Variants in ERBB4 observed in about 807,000 individuals in gnomAD.
ERBB4 encodes the protein receptor tyrosine-protein kinase erbB-4.
Under a neutral mutation model 158.0 loss-of-function variants are expected in ERBB4, and 42 were observed. The observed-to-expected ratio is 0.27, with a 90% CI of 0.21 to 0.34. ERBB4 has a LOEUF of 0.34. Ranked by LOEUF, ERBB4 falls within the 10% of genes least tolerant of loss-of-function variation. The pLI is 1.00. For missense variants in ERBB4, 1,333 were observed against 1,624.1 expected (o/e 0.82, Z 3.08); for synonymous variants, 583 against 558.7 (o/e 1.04, Z -0.61).
intron 20 of ERBB4, among the ~76,000 whole-genome samples, chr2:211,490,473 G>C (rs545089294): frequency 2.6e-5 from 4 of 151,974 alleles, no homozygotes; most frequent in African/African-American, 9.6e-5. Flanking sequence ...GGTAATTCAA[G>C]GTATTTCACT....
intron 7 of ERBB4, among the ~76,000 whole-genome samples, chr2:211,714,167 G>C (rs1436516360): frequency 1.3e-5 from 2 of 152,136 alleles, no homozygotes; most frequent in African/African-American, 4.8e-5. Flanking sequence ...AATTGGAAAG[G>C]GTAGTACTTT....
At chr2:211,524,661 G>C (rs1371479209) in intron 20 of ERBB4, among the ~76,000 whole-genome samples, 1 of 148,114 alleles carries the variant, frequency 6.8e-6, no homozygotes, top group Non-Finnish European at 1.5e-5. Context: ...AGGGCCGCCG[G>C]CTGCTCCGAG....
chr2:211,551,055 A>G (rs2067082687), intron 20 of ERBB4, among the ~76,000 whole-genome samples: 2 of 152,056 alleles, frequency 1.3e-5, no homozygotes, highest in African/African-American at 4.8e-5. Flanking sequence ...TGATCCTCCC[A>G]CTTCAGGCTG....
At chr2:212,265,456 A>G (rs1334793928) in intron 1 of ERBB4, among the ~76,000 whole-genome samples, 1 of 152,088 alleles carries the variant, frequency 6.6e-6, no homozygotes, top group East Asian at 1.9e-4. Context: ...TTCCTAAGAA[A>G]CACATTTATA....
intron 2 of ERBB4, among the ~76,000 whole-genome samples, chr2:211,955,455 C>T (rs2081001755): frequency 6.6e-6 from 1 of 152,062 alleles, no homozygotes; most frequent in Non-Finnish European, 1.5e-5. Flanking sequence ...GATTCTTCAT[C>T]TCCTGACCTT....
intron 18 of ERBB4, among the ~76,000 whole-genome samples, chr2:211,621,790 T>C (rs141650182): frequency 2.6e-4 from 39 of 152,308 alleles, no homozygotes; most frequent in African/African-American, 9.1e-4. Context: ...TTTCTCCCTA[T>C]TTCTGTTCTT....
At position 212,171,664 on chromosome 2, in the gene ERBB4, GAT is replaced by G. The variant is rs2081524039; in HGVS notation, c.83-46763_83-46762del. On this transcript the variant is annotated intron_variant, in intron 1 of 27. Transcript: ENST00000342788. ...TATAATAGTGAGCTAGTTCTCATGA[GAT>G]ATGATGGTTTTATAAGGGTTTGATG... is the stretch of plus-strand genomic sequence containing the variant. 3.3e-5 allele frequency among the ~76,000 whole-genome samples: 5 copies of G among 152,160 alleles called. No homozygotes were observed. In the South Asian group the frequency reaches 1.0e-3, roughly 32 times the overall value.
At chr2:211,875,406 T>G (rs570110734) in intron 3 of ERBB4, among the ~76,000 whole-genome samples, 1 of 152,184 alleles carries the variant, frequency 6.6e-6, no homozygotes, top group Non-Finnish European at 1.5e-5. Context: ...CCCACTTAGA[T>G]GCATTCCTTT....
chr2:211,758,201 A>T (rs910209898), intron 4 of ERBB4, among the ~76,000 whole-genome samples: 1 of 152,192 alleles, frequency 6.6e-6, no homozygotes, highest in Non-Finnish European at 1.5e-5. Flanking sequence ...TCTATTTCCC[A>T]CCGAATGGAA....
chr2:211,692,910 A>C (rs964469533), intron 12 of ERBB4, among the ~76,000 whole-genome samples: 1 of 152,154 alleles, frequency 6.6e-6, no homozygotes, highest in African/African-American at 2.4e-5. Flanking sequence ...AGACATGTGT[A>C]AAGTGTAATG....
chr2:211,456,074 T>C (rs1229514651), intron 20 of ERBB4, among the ~76,000 whole-genome samples: 2 of 152,204 alleles, frequency 1.3e-5, no homozygotes, highest in African/African-American at 2.4e-5. Context: ...TTATTGTGTA[T>C]TGACTGATGA....
chr2:212,195,690 A>T (rs183570738), intron 1 of ERBB4, among the ~76,000 whole-genome samples: 274 of 152,212 alleles, frequency 1.8e-3, no homozygotes, highest in African/African-American at 5.7e-3. Context: ...AATAAAAATA[A>T]ACAACAAAAA....
chr2:212,478,597 T>C (rs1445541808), intron 1 of ERBB4, among the ~76,000 whole-genome samples: 1 of 152,066 alleles, frequency 6.6e-6, no homozygotes, highest in Non-Finnish European at 1.5e-5. Context: ...TTCTGAAAGC[T>C]TTAGGTTCCC....
chr2:211,530,715 CT>C (rs1559265134), intron 20 of ERBB4, among the ~76,000 whole-genome samples: 1 of 151,966 alleles, frequency 6.6e-6, no homozygotes, highest in African/African-American at 2.4e-5. Context: ...TAGTGAAACC[CT>C]ATTTCTACAA....
At chr2:211,413,882 C>T (rs1574441557) in intron 25 of ERBB4, among the ~76,000 whole-genome samples, 1 of 151,584 alleles carries the variant, frequency 6.6e-6, no homozygotes. Context: ...AGCTTTCCAC[C>T]TCCCTCAAAT....
chr2:211,506,673 CAAT>C (rs140571648), intron 20 of ERBB4, among the ~76,000 whole-genome samples: 2,505 of 151,662 alleles, frequency 0.017, 39 homozygotes, highest in Middle Eastern at 0.041. Context: ...TAAACAACAA[CAAT>C]AAAGCAGAAA....
At chr2:212,388,820 T>A (rs1302630126) in intron 1 of ERBB4, among the ~76,000 whole-genome samples, 4 of 152,122 alleles carry the variant, frequency 2.6e-5, no homozygotes. Context: ...ACTTACTTTG[T>A]ACCACAAATT....
At chr2:212,353,091 A>C (rs1026820704) in intron 1 of ERBB4, among the ~76,000 whole-genome samples, 4 of 152,014 alleles carry the variant, frequency 2.6e-5, no homozygotes, top group African/African-American at 9.7e-5. Flanking sequence ...TTCTAATTTC[A>C]TGTTTTTCTG....
intron 1 of ERBB4, among the ~76,000 whole-genome samples, chr2:212,235,973 G>A (rs2083855908): frequency 6.6e-6 from 1 of 152,158 alleles, no homozygotes; most frequent in South Asian, 2.1e-4. Flanking sequence ...TCTCTTGCCT[G>A]ATTGCCCTAG....
Sources: gnomAD v4.1 joint callset for allele counts (sites outside exome capture counted in the v4.1 genomes callset) on GRCh38, gnomAD v4.1.1 for gene constraint, MANE v1.5 for transcripts, NCBI Gene and HGNC (gene_info 2026-07-23, HGNC 2026-07-21) for gene names.